ANO10: variants seen among roughly 807,000 people sequenced by gnomAD.
ANO10 encodes the protein anoctamin-10.
ANO10 carries 77 observed loss-of-function variants against 74.7 expected under a neutral mutation model. That is an observed-to-expected ratio of 1.03 (90% CI 0.86 to 1.25). ANO10 has a LOEUF of 1.25. ANO10 is among the 50% of genes most tolerant of loss of function. The pLI, the probability that ANO10 is intolerant of heterozygous loss-of-function variation, is 0.00. For missense variants in ANO10, 721 were observed against 778.1 expected, an observed-to-expected ratio of 0.93 and a Z score of 0.87; for synonymous variants, 279 against 284.9, an observed-to-expected ratio of 0.98 and a Z score of 0.21.
intron 11 of ANO10, among the ~76,000 whole-genome samples, chr3:43,468,173 T>C (rs926175271): frequency 2.0e-5 from 3 of 152,228 alleles, no homozygotes; most frequent in African/African-American, 7.2e-5. Context: ...CTTATGTGTT[T>C]AAAAAATTGC....
chr3:43,657,487 G>C (rs1454136637), intron 1 of ANO10, among the ~76,000 whole-genome samples: 1 of 152,154 alleles, frequency 6.6e-6, no homozygotes, highest in African/African-American at 2.4e-5. Flanking sequence ...TAAATCGTTG[G>C]ATTGCATCTT....
At chr3:43,623,507 G>A (rs913364933), upstream of ANO10, among the ~76,000 whole-genome samples, 1 of 152,146 alleles carries the variant, frequency 6.6e-6, no homozygotes, top group Non-Finnish European at 1.5e-5. Context: ...ACAGTGTTAG[G>A]TCCATAGCAG....
chr3:43,661,238 G>C (rs1275086783), intron 1 of ANO10, among the ~76,000 whole-genome samples: 1 of 152,186 alleles, frequency 6.6e-6, no homozygotes, highest in Non-Finnish European at 1.5e-5. Context: ...AGAAGAGAGT[G>C]GGGGCCAATA....
At chr3:43,536,297 C>CA (rs2078707190) in intron 11 of ANO10, among the ~76,000 whole-genome samples, 2 of 152,310 alleles carry the variant, frequency 1.3e-5, no homozygotes, top group Non-Finnish European at 2.9e-5. Context: ...CTAGAATTCT[C>CA]AATCACTCCC....
intron 11 of ANO10, among the ~76,000 whole-genome samples, chr3:43,527,948 C>T (rs2078280649): frequency 6.6e-6 from 1 of 152,034 alleles, no homozygotes; most frequent in Non-Finnish European, 1.5e-5. Context: ...TTACGGAAGG[C>T]TCAGGTATCT....
intron 11 of ANO10, among the ~76,000 whole-genome samples, chr3:43,509,012 T>G (rs971043047): frequency 6.7e-6 from 1 of 148,448 alleles, no homozygotes. Flanking sequence ...ATGTGGCACA[T>G]ATACATCATG....
intron 11 of ANO10, among the ~76,000 whole-genome samples, chr3:43,463,640 C>A (rs999624475): frequency 6.6e-6 from 1 of 152,272 alleles, no homozygotes; most frequent in Admixed American, 6.5e-5. Context: ...AATGCCTGTA[C>A]CCCCACTGTA....
intron 1 of ANO10, among the ~76,000 whole-genome samples, chr3:43,645,424 G>A (rs988520581): frequency 6.6e-6 from 1 of 151,730 alleles, no homozygotes; most frequent in Non-Finnish European, 1.5e-5. Context: ...AGGAGGCAGA[G>A]GTTGTAGTGA....
At chr3:43,656,495 G>A (rs1291877638) in intron 1 of ANO10, among the ~76,000 whole-genome samples, 1 of 152,230 alleles carries the variant, frequency 6.6e-6, no homozygotes, top group East Asian at 1.9e-4. Flanking sequence ...TCGTCGGGGA[G>A]GCTCGGGCCG....
intron 1 of ANO10, among the ~76,000 whole-genome samples, chr3:43,621,545 A>G (rs1052519199): frequency 6.6e-6 from 1 of 151,934 alleles, no homozygotes; most frequent in Non-Finnish European, 1.5e-5. Flanking sequence ...CTCCTTCCCC[A>G]AAGCGCTGAG....
At chr3:43,432,292 A>G (rs2092994894) in intron 12 of ANO10, among the ~76,000 whole-genome samples, 1 of 152,142 alleles carries the variant, frequency 6.6e-6, no homozygotes, top group African/African-American at 2.4e-5. Flanking sequence ...GTTTCAGTAG[A>G]TGGCAAAACT....
chr3:43,505,551 T>C (rs2077263374), intron 11 of ANO10, among the ~76,000 whole-genome samples: 1 of 152,220 alleles, frequency 6.6e-6, no homozygotes. Context: ...AAAACCTCAG[T>C]TGGCTTCCTT....
chr3:43,464,769 T>A (rs1464555513), intron 11 of ANO10, among the ~76,000 whole-genome samples: 4 of 152,194 alleles, frequency 2.6e-5, no homozygotes, highest in Admixed American at 6.5e-5. Context: ...ATCCATCATA[T>A]CAATATATAC....
At chr3:43,551,564 C>G (rs555114337) in intron 10 of ANO10, 19 of 457,148 alleles carry the variant, frequency 4.2e-5, no homozygotes, top group South Asian at 2.9e-4. Flanking sequence ...CCTCTCTTTA[C>G]ACCTGTGTCC....
intron 12 of ANO10, among the ~76,000 whole-genome samples, chr3:43,413,856 A>G (rs1015027540): frequency 2.6e-5 from 4 of 151,658 alleles, no homozygotes; most frequent in African/African-American, 9.7e-5. Flanking sequence ...TGCATGTCTC[A>G]CAGGCCCCAC....
rs144827983 is a variant in ANO10 at position 43,504,779 on chromosome 3, T to C, written c.1797+44941A>G. On this transcript the variant is annotated intron_variant, in intron 11 of 12. Coordinates refer to ENST00000292246, the MANE Select transcript of ANO10 (RefSeq NM_018075.5). ...TGCCTCAGCCTCCTTAGTAGCTGGA[T>C]TACAGGCACATGCCACCATGCTTGG... Among the ~76,000 whole-genome samples, 481 of 152,188 alleles carry C rather than the reference T, an allele frequency of 3.2e-3. 4 individuals are homozygous for C. The highest frequency in any genetic ancestry group is 0.011 in the African/African-American group (457 of 41,542).
intron 7 of ANO10, among the ~76,000 whole-genome samples, chr3:43,573,602 T>C (rs2080849287): frequency 6.6e-6 from 1 of 152,210 alleles, no homozygotes. Context: ...TGATTCTCAC[T>C]TATGTTACAG....
intron 10 of ANO10, 112 bp from the exon 11 acceptor site, chr3:43,549,960 A>G: frequency 1.6e-6 from 2 of 1,248,528 alleles, no homozygotes; most frequent in Non-Finnish European, 1.1e-6. Flanking sequence ...AGTTCTAAAC[A>G]TTCCAAGTAC....
chr3:43,465,133 T>C (rs189343346), intron 11 of ANO10, among the ~76,000 whole-genome samples: 2 of 152,304 alleles, frequency 1.3e-5, no homozygotes, highest in Admixed American at 1.3e-4. Context: ...AATAAAACTA[T>C]TACTAATAAG....
Sources: gnomAD v4.1 joint callset for allele counts (sites outside exome capture counted in the v4.1 genomes callset) on GRCh38, gnomAD v4.1.1 for gene constraint, MANE v1.5 for transcripts, NCBI Gene and HGNC (gene_info 2026-07-23, HGNC 2026-07-21) for gene names.